RERE: variants seen among roughly 807,000 people sequenced by gnomAD.
RERE encodes the protein arginine-glutamic acid dipeptide repeats.
RERE carries 40 observed loss-of-function variants against 146.1 expected under a neutral mutation model. The observed-to-expected ratio is 0.27, with a 90% CI of 0.21 to 0.36. The LOEUF (loss-of-function observed/expected upper bound fraction) is 0.36. Among genes scored for constraint, RERE ranks in the 10% least tolerant of loss-of-function variants. The pLI, the probability that RERE is intolerant of heterozygous loss-of-function variation, is 1.00. For synonymous variants in RERE, 1,003 were observed against 866.0 expected (o/e 1.16, Z -2.78); for missense variants, 1,933 against 2,138.7 (o/e 0.90, Z 1.90).
intron 1 of RERE, among the ~76,000 whole-genome samples, chr1:8,766,068 G>A (rs962203456): frequency 6.6e-6 from 1 of 152,138 alleles, no homozygotes; most frequent in Non-Finnish European, 1.5e-5. Flanking sequence ...AGCTGAGATT[G>A]CAACACTGCA....
intron 11 of RERE, among the ~76,000 whole-genome samples, chr1:8,462,788 C>G (rs1245573850): frequency 3.3e-5 from 5 of 152,114 alleles, no homozygotes; most frequent in Non-Finnish European, 7.4e-5. Flanking sequence ...GCCTGTAGTC[C>G]CAGCTGCTCA....
chr1:8,663,884 C>T (rs995190548), intron 1 of RERE, among the ~76,000 whole-genome samples: 1 of 152,128 alleles, frequency 6.6e-6, no homozygotes, highest in Non-Finnish European at 1.5e-5. Context: ...ATACTGTTCC[C>T]CGCCCCTTTG....
intron 11 of RERE, among the ~76,000 whole-genome samples, chr1:8,433,629 C>T (rs1288036973): frequency 3.3e-5 from 5 of 150,158 alleles, no homozygotes; most frequent in Non-Finnish European, 7.4e-5. Flanking sequence ...GGCGCAATCT[C>T]GGCTCACTGC....
At chr1:8,673,287 G>A (rs1020321412) in intron 1 of RERE, among the ~76,000 whole-genome samples, 2 of 152,034 alleles carry the variant, frequency 1.3e-5, no homozygotes, top group Admixed American at 6.5e-5. Context: ...GTACAGACAG[G>A]GTTTCACCAC....
At chr1:8,779,536 G>A (rs1273774015) in intron 1 of RERE, among the ~76,000 whole-genome samples, 1 of 151,908 alleles carries the variant, frequency 6.6e-6, no homozygotes, top group Admixed American at 6.6e-5. Context: ...GGTGGCAGGT[G>A]CCTGTAGTCC....
At chr1:8,399,977 C>G (rs1434899035) in intron 12 of RERE, among the ~76,000 whole-genome samples, 1 of 151,868 alleles carries the variant, frequency 6.6e-6, no homozygotes, top group Non-Finnish European at 1.5e-5. Context: ...ATCTTCCTGC[C>G]TCAGTCTCCT....
chr1:8,817,424 T>G lies in RERE; in HGVS notation c.-409A>C, dbSNP rs1446407767. On this transcript the variant is annotated 5_prime_UTR_variant, in exon 1 of 23. Coordinates refer to ENST00000400908, the MANE Select transcript of RERE (RefSeq NM_001042681.2). Reference sequence around the variant, plus strand: ...AGCCCAGGATCATGTCTGGTTTTGTTTTCCGAGGGCGAGGGGGCTCCCTGA... The same window carrying G: ...AGCCCAGGATCATGTCTGGTTTTGTGTTCCGAGGGCGAGGGGGCTCCCTGA... The G allele has an allele frequency of 6.6e-6, 1 of 151,234 alleles. No homozygotes were observed. Among genetic ancestry groups the G allele is most frequent in the Admixed American group, 6.6e-5 (1 of 15,178 alleles). The allele number at this position is 151,234 out of a possible 1,614,324, so 9.4% of individuals were successfully genotyped here. A position where few individuals can be genotyped will look rare whatever the true frequency, so the allele number is the denominator to read the frequency against.
chr1:8,548,680 GA>G (rs1254542215), intron 6 of RERE, among the ~76,000 whole-genome samples: 3 of 152,176 alleles, frequency 2.0e-5, no homozygotes, highest in African/African-American at 7.2e-5. Flanking sequence ...ATAAATAACG[GA>G]AAGTGAAGAA....
At chr1:8,416,397 A>AAC (rs1284756454) in intron 12 of RERE, among the ~76,000 whole-genome samples, 4 of 152,060 alleles carry the variant, frequency 2.6e-5, no homozygotes, top group African/African-American at 9.7e-5. Flanking sequence ...CATCCTGGTT[A>AAC]ACATGGTGAA....
intron 1 of RERE, chr1:8,753,414 G>C (rs968581523): frequency 2.0e-5 from 3 of 152,024 alleles, no homozygotes; most frequent in African/African-American, 7.2e-5. Context: ...TTTTAAGGTA[G>C]GTTTTTAATC....
chr1:8,392,305 TACACAA>T, intron 12 of RERE, among the ~76,000 whole-genome samples: 1 of 152,062 alleles, frequency 6.6e-6, no homozygotes, highest in South Asian at 2.1e-4. Flanking sequence ...ATAAACAAAA[TACACAA>T]TTGAAAAAAT....
intron 1 of RERE, among the ~76,000 whole-genome samples, chr1:8,811,763 G>A (rs932938354): frequency 1.3e-5 from 2 of 152,242 alleles, no homozygotes; most frequent in African/African-American, 4.8e-5. Flanking sequence ...GTCTGAAGAT[G>A]CTGCACAGCC....
chr1:8,737,627 G>T (rs1640227710), intron 1 of RERE, among the ~76,000 whole-genome samples: 1 of 151,840 alleles, frequency 6.6e-6, no homozygotes, highest in Non-Finnish European at 1.5e-5. Context: ...GTAGAGACAG[G>T]ATTTCCCTAT....
chr1:8,638,537 C>G (rs1287276164), intron 2 of RERE, among the ~76,000 whole-genome samples: 2 of 152,232 alleles, frequency 1.3e-5, no homozygotes, highest in South Asian at 4.1e-4. Context: ...CAGAACAGTT[C>G]AGATTTACAA....
intron 1 of RERE, among the ~76,000 whole-genome samples, chr1:8,657,316 AAAAAAAG>A (rs1202516565): frequency 2.1e-5 from 3 of 145,418 alleles, no homozygotes; most frequent in Non-Finnish European, 4.5e-5. Context: ...CAAAAAAAAA[AAAAAAAG>A]AAGAAGAAAA....
rs529187320 is a variant in RERE at position 8,470,965 on chromosome 1, C to G, written c.1105-4942G>C. 1.8e-3 allele frequency among the ~76,000 whole-genome samples: 278 copies of G among 150,866 alleles called. 3 individuals are homozygous for G. In the Middle Eastern group the frequency reaches 0.027, roughly 15 times the overall value. The stretch of plus-strand genomic sequence containing the variant: ...TCCCGAGTACCTGGGACTACAGGCG[C>G]GCCACCACACCCAGCTAATTTTTGT... On this transcript the variant is annotated intron_variant, in intron 10 of 22. Coordinates refer to ENST00000400908, the MANE Select transcript of RERE (RefSeq NM_001042681.2).
chr1:8,599,707 C>T (rs943990164), intron 4 of RERE, among the ~76,000 whole-genome samples: 3 of 152,168 alleles, frequency 2.0e-5, no homozygotes, highest in Admixed American at 6.5e-5. Flanking sequence ...GTAAGAAGGG[C>T]TCTTTTTAAT....
chr1:8,386,012 ATATATATATATTTTTTT>A (rs1642655369), intron 12 of RERE, among the ~76,000 whole-genome samples: 6 of 44,756 alleles, frequency 1.3e-4, no homozygotes, highest in Admixed American at 5.6e-4. Flanking sequence ...ATATATATAT[ATATATATATATTTTTTT>A]TTTTTTTTTT....
At chr1:8,756,699 C>CT (rs1337038367) in intron 1 of RERE, among the ~76,000 whole-genome samples, 3 of 152,186 alleles carry the variant, frequency 2.0e-5, no homozygotes, top group African/African-American at 7.2e-5. Flanking sequence ...ATCAGGATCA[C>CT]TTTAACTTTA....
Sources: gnomAD v4.1 joint callset for allele counts (sites outside exome capture counted in the v4.1 genomes callset) on GRCh38, gnomAD v4.1.1 for gene constraint, MANE v1.5 for transcripts, NCBI Gene and HGNC (gene_info 2026-07-23, HGNC 2026-07-21) for gene names.